ZBTB20: variants seen among roughly 807,000 people sequenced by gnomAD.
ZBTB20 encodes zinc finger and BTB domain containing 20.
ZBTB20 carries 9 observed loss-of-function variants against 56.9 expected under a neutral mutation model. The observed-to-expected ratio is 0.16, with a 90% confidence interval of 0.10 to 0.28. The LOEUF is 0.28. Among genes scored for constraint, ZBTB20 ranks in the 10% least tolerant of loss-of-function variants. The pLI is 1.00. For missense variants in ZBTB20, 655 were observed against 1,003.0 expected (o/e 0.65, Z 4.69); for synonymous variants, 417 against 420.7 (o/e 0.99, Z 0.11).
chr3:114,925,372 G>A lies in ZBTB20; in HGVS notation c.-455-25030C>T, dbSNP rs147954864. On this transcript the variant is annotated intron_variant, in intron 3 of 11. Transcript: ENST00000675478. ...CATATTCCCTTTCATCTCTTAAAGC[G>A]CAGTTTTAATACCTGCTTTAATTTT... 3.1e-3 allele frequency among the ~76,000 whole-genome samples: 472 copies of A among 152,130 alleles called. 2 individuals are homozygous for A. Among genetic ancestry groups the A allele is most frequent in the Non-Finnish European group, 4.8e-3 (325 of 68,004 alleles).
In ZBTB20 at chr3:114,939,658, T is replaced by C. The variant is rs116277245; in HGVS notation, c.-456+34708A>G. On this transcript the variant is annotated intron_variant, in intron 3 of 11. Transcript: ENST00000675478. ...AGTAAGCAGGGGAAATATGAAGCTA[T>C]AGAAGAGAAAACAAAGAAGACAATA... Among the ~76,000 whole-genome samples, 674 of 146,346 alleles carry C rather than the reference T, an allele frequency of 4.6e-3. 129 individuals are homozygous for C. Among genetic ancestry groups the C allele is most frequent in the African/African-American group, 0.018 (646 of 36,030 alleles).
intron 10 of ZBTB20, among the ~76,000 whole-genome samples, chr3:114,362,564 C>T (rs2082001776): frequency 6.6e-6 from 1 of 152,292 alleles, no homozygotes; most frequent in Non-Finnish European, 1.5e-5. Context: ...TCCCTACCTA[C>T]CCACAGTTCT....
intron 3 of ZBTB20, among the ~76,000 whole-genome samples, chr3:114,944,222 A>T (rs2076813809): frequency 6.9e-6 from 1 of 145,882 alleles, no homozygotes. Flanking sequence ...CAACAGATAT[A>T]TGAAAAAATG....
At chr3:114,349,627 T>C (rs1466343359) in intron 11 of ZBTB20, among the ~76,000 whole-genome samples, 4 of 152,244 alleles carry the variant, frequency 2.6e-5, no homozygotes, top group African/African-American at 9.6e-5. Context: ...GATCTCCTGA[T>C]AGCATCCAAT....
chr3:114,885,503 A>G (rs557294572), intron 4 of ZBTB20, among the ~76,000 whole-genome samples: 1 of 152,050 alleles, frequency 6.6e-6, no homozygotes, highest in South Asian at 2.1e-4. Flanking sequence ...AATTGTAATT[A>G]TTTACTCATG....
intron 7 of ZBTB20, among the ~76,000 whole-genome samples, chr3:114,457,807 T>A (rs1038734513): frequency 6.6e-6 from 1 of 152,178 alleles, no homozygotes; most frequent in Non-Finnish European, 1.5e-5. Flanking sequence ...GCCTAGCAAG[T>A]GAGGAGCTGG....
chr3:114,686,989 A>C (rs2062380023), intron 6 of ZBTB20, among the ~76,000 whole-genome samples: 1 of 152,168 alleles, frequency 6.6e-6, no homozygotes, highest in Admixed American at 6.6e-5. Flanking sequence ...ACTTCAGTGT[A>C]AGGCATGTGA....
At chr3:115,119,556 T>A (rs1284785872) in intron 1 of ZBTB20, among the ~76,000 whole-genome samples, 1 of 152,180 alleles carries the variant, frequency 6.6e-6, no homozygotes, top group Non-Finnish European at 1.5e-5. Flanking sequence ...CCACAACTCA[T>A]ACACCAGAAC....
chr3:114,600,578 A>G (rs1241489469), intron 6 of ZBTB20, among the ~76,000 whole-genome samples: 1 of 151,972 alleles, frequency 6.6e-6, no homozygotes, highest in East Asian at 1.9e-4. Context: ...ACTGTGCTCT[A>G]TTTACTCTGG....
intron 3 of ZBTB20, among the ~76,000 whole-genome samples, chr3:114,905,813 A>G (rs1280792935): frequency 6.6e-6 from 1 of 151,836 alleles, no homozygotes; most frequent in African/African-American, 2.4e-5. Context: ...TTGGCCCCAC[A>G]TTGGACAAGA....
chr3:114,695,423 T>G (rs2062948678), intron 5 of ZBTB20, among the ~76,000 whole-genome samples: 1 of 151,936 alleles, frequency 6.6e-6, no homozygotes, highest in Non-Finnish European at 1.5e-5. Flanking sequence ...ACATCGAGAT[T>G]TGAAAGGTCA....
chr3:114,444,336 G>C (rs562266961), intron 7 of ZBTB20, among the ~76,000 whole-genome samples: 1 of 152,242 alleles, frequency 6.6e-6, no homozygotes, highest in East Asian at 1.9e-4. Context: ...GTTAACTCCA[G>C]AGTCTCTAGG....
chr3:114,553,507 G>A (rs2050823401), intron 6 of ZBTB20, among the ~76,000 whole-genome samples: 1 of 152,034 alleles, frequency 6.6e-6, no homozygotes, highest in South Asian at 2.1e-4. Context: ...CTTTTCTGAT[G>A]CTATAGAGAT....
At chr3:115,083,230 T>C (rs967213521) in intron 1 of ZBTB20, among the ~76,000 whole-genome samples, 1 of 152,042 alleles carries the variant, frequency 6.6e-6, no homozygotes, top group South Asian at 2.1e-4. Flanking sequence ...TGTCCTTCAT[T>C]AGGAATATTA....
At chr3:114,957,417 T>G (rs1250066424) in intron 3 of ZBTB20, among the ~76,000 whole-genome samples, 3 of 152,182 alleles carry the variant, frequency 2.0e-5, no homozygotes, top group South Asian at 2.1e-4. Context: ...TACTGTCTTA[T>G]GAAATTTTGT....
At chr3:114,490,592 T>C (rs1019555076) in intron 7 of ZBTB20, among the ~76,000 whole-genome samples, 3 of 152,156 alleles carry the variant, frequency 2.0e-5, no homozygotes, top group Non-Finnish European at 4.4e-5. Context: ...TCTACACTCC[T>C]GTCTCCAGCC....
chr3:114,524,086 G>A lies in ZBTB20; in HGVS notation c.-294-23695C>T, dbSNP rs984989487. 3.9e-5 allele frequency among the ~76,000 whole-genome samples: 6 copies of A among 152,158 alleles called. No individual in the cohort carries two copies. The East Asian group carries it at 5.8e-4, about 15-fold the overall frequency. On this transcript the variant is annotated intron_variant, in intron 6 of 11. Coordinates refer to ENST00000675478, the MANE Select transcript of ZBTB20 (RefSeq NM_001348800.3). ...AGAGAAGGTCAATGGTGTTAAAGGCGCATACAAGGAAATGATTAAAATCAT... is the reference window on the plus strand; with the variant it reads ...AGAGAAGGTCAATGGTGTTAAAGGCACATACAAGGAAATGATTAAAATCAT...
chr3:114,382,780 T>C (rs969467096), intron 8 of ZBTB20, among the ~76,000 whole-genome samples: 3 of 152,194 alleles, frequency 2.0e-5, no homozygotes, highest in African/African-American at 7.2e-5. Context: ...AGGAAATGTC[T>C]TAGTTATTTT....
chr3:115,011,806 G>A (rs889169185), intron 2 of ZBTB20, among the ~76,000 whole-genome samples: 2 of 151,696 alleles, frequency 1.3e-5, no homozygotes, highest in Non-Finnish European at 2.9e-5. Flanking sequence ...TATCTCTTAA[G>A]TACAAAGAGT....
Sources: gnomAD v4.1 joint callset for allele counts (sites outside exome capture counted in the v4.1 genomes callset) on GRCh38, gnomAD v4.1.1 for gene constraint, MANE v1.5 for transcripts, NCBI Gene and HGNC (gene_info 2026-07-23, HGNC 2026-07-21) for gene names.